SLC39A8: variants seen among roughly 807,000 people sequenced by gnomAD.
SLC39A8 encodes the protein metal cation symporter ZIP8.
SLC39A8 carries 15 observed loss-of-function variants against 40.4 expected under a neutral mutation model. The ratio of observed to expected loss-of-function variants is 0.37; its 90% CI spans 0.25 to 0.57. The LOEUF is 0.57. Ranked by LOEUF, SLC39A8 falls within the 20% of genes least tolerant of loss-of-function variation. SLC39A8 has a pLI of 0.75. For missense variants in SLC39A8, 472 were observed against 558.8 expected, an observed-to-expected ratio of 0.84 and a Z score of 1.57; for synonymous variants, 223 against 221.6, an observed-to-expected ratio of 1.01 and a Z score of -0.06.
At position 102,261,952 on chromosome 4, in the gene SLC39A8, TC is replaced by T; in HGVS notation, c.*1091del. On this transcript the variant is annotated 3_prime_UTR_variant, in exon 9 of 9. Coordinates refer to ENST00000356736, the MANE Select transcript of SLC39A8 (RefSeq NM_001135146.2). Reference sequence around the variant, plus strand: ...CTTCTAAATGAGTAAACAGGCTCTGTCTTTTATAAAAGGTAGAAAAATAACC... The same window carrying T: ...CTTCTAAATGAGTAAACAGGCTCTGTTTTTATAAAAGGTAGAAAAATAACC... The T allele has an allele frequency of 1.0e-6, 1 of 985,942 alleles. No homozygotes were observed. Among genetic ancestry groups the T allele is most frequent in the Non-Finnish European group, 1.2e-6 (1 of 829,902 alleles). The allele number at this position is 985,942 out of a possible 1,614,324, so 61.1% of individuals were successfully genotyped here.
Position 102,305,109 on chromosome 4 carries a change from T to C in SLC39A8, c.555A>G (p.Ala185=), listed in dbSNP as rs1734112298. 1 of 1,600,966 alleles carries C rather than the reference T, an allele frequency of 6.2e-7. No homozygotes were observed. Among genetic ancestry groups the C allele is most frequent in the Non-Finnish European group, 8.5e-7 (1 of 1,175,800 alleles). ...SNAIFQLIPE[A]FGFDPKVDSY... The stretch of plus-strand genomic sequence containing the variant: ...TGTCGACTTTGGGATCAAATCCAAA[T>C]GCCTAAGGGAGAAAAAAGGGCAATT... The change falls in exon 5 of 9, where the codon GCA becomes GCG. Residue 185 remains alanine, a splice_region_variant and synonymous_variant. Transcript: ENST00000356736.
At chr4:102,269,441 T>C (rs924037911) in intron 6 of SLC39A8, among the ~76,000 whole-genome samples, 10 of 152,210 alleles carry the variant, frequency 6.6e-5, no homozygotes, top group Non-Finnish European at 4.4e-5. Flanking sequence ...CTGTTAGTAA[T>C]AGGATTCATC....
chr4:102,334,841 C>CT (rs1186326533), intron 2 of SLC39A8, among the ~76,000 whole-genome samples: 3 of 152,194 alleles, frequency 2.0e-5, no homozygotes, highest in Non-Finnish European at 4.4e-5. Flanking sequence ...AGTTACTTAA[C>CT]CTACCTAAGG....
intron 2 of SLC39A8, among the ~76,000 whole-genome samples, chr4:102,316,452 G>T (rs747368048): frequency 5.3e-5 from 8 of 152,076 alleles, no homozygotes; most frequent in Non-Finnish European, 8.8e-5. Flanking sequence ...GGGCTGTTTA[G>T]AAATTCATTA....
chr4:102,328,267 T>C (rs763180403), intron 2 of SLC39A8, among the ~76,000 whole-genome samples: 15 of 152,144 alleles, frequency 9.9e-5, no homozygotes, highest in Admixed American at 9.8e-4. Flanking sequence ...TTCCTTGAAA[T>C]TATTCTATAC....
chr4:102,266,753 G>A (rs1234621536), intron 8 of SLC39A8, among the ~76,000 whole-genome samples: 5 of 151,790 alleles, frequency 3.3e-5, no homozygotes, highest in Admixed American at 1.3e-4. Flanking sequence ...GATTACAGGC[G>A]CCCGCCACCA....
In SLC39A8 at chr4:102,267,775, G is replaced by A; in HGVS notation, c.1048+97C>T. The A allele has an allele frequency of 3.3e-6, 5 of 1,530,792 alleles. No individual in the cohort carries two copies. In the South Asian group the frequency reaches 6.0e-5, roughly 18 times the overall value. The allele number at this position is 1,530,792 out of a possible 1,614,324, so 94.8% of individuals were successfully genotyped here. A position where few individuals can be genotyped will look rare whatever the true frequency, so the allele number is the denominator to read the frequency against. On this transcript the variant is annotated intron_variant, in intron 7 of 8. Coordinates refer to ENST00000356736, the MANE Select transcript of SLC39A8 (RefSeq NM_001135146.2). Reference sequence around the variant, plus strand: ...TGTCCAACAAGGTCTTCATTTTAGTGCATCAGAAGGATTTTAAGAGCATGT... The same window carrying A: ...TGTCCAACAAGGTCTTCATTTTAGTACATCAGAAGGATTTTAAGAGCATGT...
At chr4:102,314,195 C>T (rs376942476) in intron 3 of SLC39A8, among the ~76,000 whole-genome samples, 3 of 152,020 alleles carry the variant, frequency 2.0e-5, no homozygotes, top group Non-Finnish European at 4.4e-5. Context: ...CAGGGCAAAC[C>T]ATTTAGCATG....
chr4:102,289,393 T>G (rs1733322493), intron 6 of SLC39A8, among the ~76,000 whole-genome samples: 1 of 152,170 alleles, frequency 6.6e-6, no homozygotes, highest in Non-Finnish European at 1.5e-5. Flanking sequence ...AATGTCGTTT[T>G]CATGCCTGCC....
chr4:102,281,036 T>G (rs924600766), intron 6 of SLC39A8, among the ~76,000 whole-genome samples: 1 of 152,170 alleles, frequency 6.6e-6, no homozygotes, highest in African/African-American at 2.4e-5. Context: ...AATGGACTAT[T>G]TATACCACTC....
chr4:102,303,870 A>G (rs545255041), intron 6 of SLC39A8, among the ~76,000 whole-genome samples: 1 of 152,002 alleles, frequency 6.6e-6, no homozygotes, highest in Non-Finnish European at 1.5e-5. Flanking sequence ...TATTATTTAG[A>G]AGATGTGGAT....
intron 6 of SLC39A8, among the ~76,000 whole-genome samples, chr4:102,291,767 T>C (rs1733456543): frequency 1.3e-5 from 2 of 151,928 alleles, no homozygotes; most frequent in African/African-American, 4.8e-5. Context: ...CACCAGGAAA[T>C]GTGTTCTCAG....
At chr4:102,296,377 G>A (rs899621608) in intron 6 of SLC39A8, among the ~76,000 whole-genome samples, 1 of 152,078 alleles carries the variant, frequency 6.6e-6, no homozygotes, top group Non-Finnish European at 1.5e-5. Context: ...GGATTTAGAA[G>A]CTATTCCCAA....
chr4:102,344,997 G>A (rs1424332893), intron 1 of SLC39A8, 82 bp from the exon 2 acceptor site: 4 of 936,942 alleles, frequency 4.3e-6, no homozygotes, highest in Admixed American at 1.0e-4. Flanking sequence ...CTGCGTGGCA[G>A]TAGCCCTCAA....
chr4:102,317,689 A>G (rs1044089217), intron 2 of SLC39A8, among the ~76,000 whole-genome samples: 1 of 152,182 alleles, frequency 6.6e-6, no homozygotes, highest in Admixed American at 6.5e-5. Flanking sequence ...ATGATAGCAC[A>G]CACAGAGAGC....
chr4:102,256,107 G>A (rs186038053), intron 11 of SLC39A8, among the ~76,000 whole-genome samples: 39 of 152,246 alleles, frequency 2.6e-4, no homozygotes, highest in Admixed American at 1.2e-3. Context: ...TAACAAGCTC[G>A]TACATAATTA....
chr4:102,318,331 T>C (rs1734751416), intron 2 of SLC39A8, among the ~76,000 whole-genome samples: 1 of 151,980 alleles, frequency 6.6e-6, no homozygotes, highest in South Asian at 2.1e-4. Flanking sequence ...AACACAGAGA[T>C]GTAGAGATGA....
intron 3 of SLC39A8, among the ~76,000 whole-genome samples, chr4:102,313,516 T>C (rs1014777495): frequency 3.9e-5 from 6 of 152,098 alleles, no homozygotes; most frequent in Non-Finnish European, 8.8e-5. Context: ...TTGTTAAGTC[T>C]TCCCTTTTCT....
At chr4:102,342,717 T>C (rs1437443506) in intron 2 of SLC39A8, among the ~76,000 whole-genome samples, 1 of 152,218 alleles carries the variant, frequency 6.6e-6, no homozygotes, top group African/African-American at 2.4e-5. Context: ...TCCTGCCTGC[T>C]AATAAACAGA....
Sources: allele counts gnomAD v4.1 joint callset (sites outside exome capture counted in the v4.1 genomes callset), GRCh38; gene constraint gnomAD v4.1.1; transcripts MANE v1.5; gene names NCBI Gene and HGNC (gene_info 2026-07-23, HGNC 2026-07-21).